Variants in GRM5 observed in about 807,000 individuals in gnomAD.
The protein encoded by GRM5 is glutamate metabotropic receptor 5, also known as metabotropic glutamate receptor 5.
A neutral mutation model predicts 83.1 loss-of-function variants in GRM5; 19 were observed. The ratio of observed to expected loss-of-function variants is 0.23; its 90% CI spans 0.16 to 0.34. The LOEUF is 0.34. Ranked by LOEUF, GRM5 falls within the 10% of genes least tolerant of loss-of-function variation. The probability of loss-of-function intolerance (pLI) is 1.00; values close to 1 mark genes in which losing one functional copy is unlikely to be tolerated. For missense variants in GRM5, 1,160 were observed against 1,588.3 expected (o/e 0.73, Z 4.58); for synonymous variants, 675 against 633.6 (o/e 1.07, Z -0.98).
At position 88,506,084 on chromosome 11, in the gene GRM5, T is replaced by C. The variant is rs1371411903; in HGVS notation, c.*2508A>G. On this transcript the variant is annotated 3_prime_UTR_variant, in exon 10 of 10. Coordinates refer to ENST00000305447, the MANE Select transcript of GRM5 (RefSeq NM_001143831.3). Reference sequence around the variant, plus strand: ...TTATAGAAATACAGAGAAAAATATATCTTGTCCTTTTCTAATTGGATAAAT... The same window carrying C: ...TTATAGAAATACAGAGAAAAATATACCTTGTCCTTTTCTAATTGGATAAAT... 1 of 152,168 alleles carries C rather than the reference T, an allele frequency of 6.6e-6. No homozygotes were observed. The highest frequency in any genetic ancestry group is 1.5e-5 in the Non-Finnish European group (1 of 68,030). The allele number at this position is 152,168 out of a possible 1,614,324, so 9.4% of individuals were successfully genotyped here.
intron 8 of GRM5, among the ~76,000 whole-genome samples, chr11:88,546,294 C>G (rs1261460588): frequency 6.6e-6 from 1 of 151,990 alleles, no homozygotes; most frequent in Non-Finnish European, 1.5e-5. Flanking sequence ...TTGGCATTCT[C>G]TCTGACTATA....
intron 3 of GRM5, among the ~76,000 whole-genome samples, chr11:88,836,887 G>A (rs1944104447): frequency 6.6e-6 from 1 of 152,144 alleles, no homozygotes; most frequent in African/African-American, 2.4e-5. Context: ...GTTTTTGACT[G>A]GAATTCAGCA....
chr11:88,511,592 A>G (rs572816195), intron 9 of GRM5, among the ~76,000 whole-genome samples: 1 of 152,346 alleles, frequency 6.6e-6, no homozygotes, highest in African/African-American at 2.4e-5. Flanking sequence ...CCTTCCTGGA[A>G]AGGATGAATG....
At chr11:89,046,069 C>T (rs1941636025) in intron 2 of GRM5, among the ~76,000 whole-genome samples, 3 of 152,024 alleles carry the variant, frequency 2.0e-5, no homozygotes, top group South Asian at 4.1e-4. Context: ...TTGTGCATGC[C>T]TCATCTCCTT....
At chr11:89,029,809 C>T (rs1219133379) in intron 2 of GRM5, among the ~76,000 whole-genome samples, 2 of 152,148 alleles carry the variant, frequency 1.3e-5, no homozygotes, top group Non-Finnish European at 2.9e-5. Context: ...GTTTACAAAA[C>T]TTCCTTGCTG....
chr11:89,001,569 T>C (rs1341064356), intron 2 of GRM5, among the ~76,000 whole-genome samples: 2 of 152,098 alleles, frequency 1.3e-5, no homozygotes, highest in Non-Finnish European at 2.9e-5. Context: ...GGGAAGTGAA[T>C]GCTCTAAAAA....
intron 3 of GRM5, among the ~76,000 whole-genome samples, chr11:88,789,177 A>G (rs1020857232): frequency 3.9e-5 from 6 of 152,174 alleles, no homozygotes; most frequent in Admixed American, 3.9e-4. Flanking sequence ...CAGCATCTGG[A>G]TATGAGTGAA....
intron 2 of GRM5, among the ~76,000 whole-genome samples, chr11:88,972,833 C>T: frequency 6.6e-6 from 1 of 152,066 alleles, no homozygotes; most frequent in Non-Finnish European, 1.5e-5. Flanking sequence ...ATGTTACCAT[C>T]ATCAATAATG....
chr11:89,040,873 C>T (rs573781482), intron 2 of GRM5, among the ~76,000 whole-genome samples: 1 of 152,314 alleles, frequency 6.6e-6, no homozygotes, highest in Non-Finnish European at 1.5e-5. Flanking sequence ...TTTTGAGGAT[C>T]TCTATTCTTG....
intron 3 of GRM5, among the ~76,000 whole-genome samples, chr11:88,786,379 C>T (rs932730293): frequency 4.6e-5 from 7 of 152,090 alleles, no homozygotes; most frequent in Non-Finnish European, 7.4e-5. Flanking sequence ...TAATGCATTG[C>T]TTTGCCATGA....
chr11:88,671,788 A>C, intron 3 of GRM5, among the ~76,000 whole-genome samples: 1 of 152,068 alleles, frequency 6.6e-6, no homozygotes, highest in Admixed American at 6.6e-5. Context: ...GGAATGAGCA[A>C]GCTGGAACGT....
chr11:88,876,986 A>T (rs772340755), intron 2 of GRM5, among the ~76,000 whole-genome samples: 2 of 152,116 alleles, frequency 1.3e-5, no homozygotes, highest in Non-Finnish European at 2.9e-5. Flanking sequence ...ATAATGCATG[A>T]TACCAATCAT....
At chr11:88,580,914 CCTGA>C (rs1943203575) in intron 7 of GRM5, among the ~76,000 whole-genome samples, 3 of 152,060 alleles carry the variant, frequency 2.0e-5, no homozygotes, top group Admixed American at 2.0e-4. Flanking sequence ...GCTGAGGCGG[CCTGA>C]CTAACAAGGT....
At chr11:88,615,893 G>A (rs1938465325) in intron 4 of GRM5, among the ~76,000 whole-genome samples, 1 of 152,022 alleles carries the variant, frequency 6.6e-6, no homozygotes, top group Non-Finnish European at 1.5e-5. Context: ...TGGCTGAAGG[G>A]GGTGAATATG....
chr11:88,675,481 A>C (rs1364749499), intron 3 of GRM5, among the ~76,000 whole-genome samples: 1 of 151,962 alleles, frequency 6.6e-6, no homozygotes, highest in African/African-American at 2.4e-5. Flanking sequence ...GCCTGTCTGC[A>C]AGAAAATTAG....
intron 4 of GRM5, among the ~76,000 whole-genome samples, chr11:88,645,222 A>G (rs1306976290): frequency 2.0e-5 from 3 of 152,104 alleles, no homozygotes; most frequent in Non-Finnish European, 4.4e-5. Context: ...GGAACAAAAA[A>G]TGGGGAAGTA....
chr11:89,063,451 CTT>C (rs1195380713), intron 1 of GRM5: 1 of 152,422 alleles, frequency 6.6e-6, no homozygotes, highest in East Asian at 1.9e-4. Flanking sequence ...CCAGGGGACA[CTT>C]GGGCACACAG....
intron 3 of GRM5, among the ~76,000 whole-genome samples, chr11:88,815,247 T>C (rs576207808): frequency 6.6e-6 from 1 of 152,250 alleles, no homozygotes; most frequent in African/African-American, 2.4e-5. Flanking sequence ...CACAATAGAA[T>C]TAAATTATAT....
intron 2 of GRM5, among the ~76,000 whole-genome samples, chr11:88,954,003 C>G (rs954697145): frequency 6.6e-6 from 1 of 152,140 alleles, no homozygotes; most frequent in Non-Finnish European, 1.5e-5. Flanking sequence ...TATTTCATGT[C>G]AGTCTTTTGG....
Sources: gnomAD v4.1 joint callset for allele counts (sites outside exome capture counted in the v4.1 genomes callset) on GRCh38, gnomAD v4.1.1 for gene constraint, MANE v1.5 for transcripts, NCBI Gene and HGNC (gene_info 2026-07-23, HGNC 2026-07-21) for gene names.